The following RBFOX3 variants were observed in gnomAD, a reference collection of about 807,000 sequenced individuals.
RBFOX3 encodes the protein RNA binding protein fox-1 homolog 3.
A neutral mutation model predicts 48.7 loss-of-function variants in RBFOX3; 17 were observed. That is an observed-to-expected ratio of 0.35 (90% CI 0.24 to 0.52). RBFOX3 has a LOEUF of 0.52. Ranked by LOEUF, RBFOX3 falls within the 20% of genes least tolerant of loss-of-function variation. The probability of loss-of-function intolerance (pLI) is 0.94; values close to 1 mark genes in which losing one functional copy is unlikely to be tolerated. For synonymous variants in RBFOX3, 212 were observed against 209.5 expected (o/e 1.01, Z -0.10); for missense variants, 382 against 497.5 (o/e 0.77, Z 2.21).
At position 79,423,397 on chromosome 17, in the gene RBFOX3, G is replaced by A. The variant is rs537637338; in HGVS notation, c.-175+59057C>T. Reference sequence around the variant, plus strand: ...CCCAACCCTACCTCCAGTGTGGTCCGGCGCCACCACCTCTGCCGGACGTTT... The same window carrying A: ...CCCAACCCTACCTCCAGTGTGGTCCAGCGCCACCACCTCTGCCGGACGTTT... On this transcript the variant is annotated intron_variant, in intron 2 of 14. Transcript: ENST00000693108. This position sits in a 1 kb window ranked among gnomAD's most constrained non-coding sequence, Gnocchi z 4.9. Among the ~76,000 whole-genome samples the A allele has an allele frequency of 1.1e-4, 17 of 152,196 alleles. No individual in the cohort carries two copies. Among genetic ancestry groups the A allele is most frequent in the South Asian group, 2.1e-4 (1 of 4,824 alleles).
At chr17:79,538,267 G>A (rs1453006056) in intron 1 of RBFOX3, among the ~76,000 whole-genome samples, 1 of 152,210 alleles carries the variant, frequency 6.6e-6, no homozygotes, top group Non-Finnish European at 1.5e-5. Context: ...ATCTGTGTGT[G>A]CCTGGCACAC....
At chr17:79,524,505 A>G (rs1396447399) in intron 1 of RBFOX3, among the ~76,000 whole-genome samples, 3 of 152,208 alleles carry the variant, frequency 2.0e-5, no homozygotes, top group Non-Finnish European at 4.4e-5. Context: ...TCACTGCCAG[A>G]TGACTACCTT....
rs1305070354 is a variant in RBFOX3, at chr17:79,220,620, G to A, written c.-34+15146C>T. Among the ~76,000 whole-genome samples the A allele has an allele frequency of 6.6e-6, 1 of 151,586 alleles. No homozygotes were observed. Among genetic ancestry groups the A allele is most frequent in the Non-Finnish European group, 1.5e-5 (1 of 68,006 alleles). On this transcript the variant is annotated intron_variant, in intron 4 of 14. Coordinates refer to ENST00000693108, the MANE Select transcript of RBFOX3 (RefSeq NM_001350451.2). This position sits in a 1 kb window ranked among gnomAD's most constrained non-coding sequence, Gnocchi z 5.9. ...GAGGGTGTGTGTGTGTGTGTGTCGG[G>A]GGGACACAAAACCTTCCAGCCTAGC...
chr17:79,308,227 G>A (rs2076349963), intron 2 of RBFOX3, among the ~76,000 whole-genome samples: 1 of 152,130 alleles, frequency 6.6e-6, no homozygotes, highest in African/African-American at 2.4e-5. Flanking sequence ...CCTCCTTGGG[G>A]ATGAATCCTC....
chr17:79,375,747 T>C (rs1008641663), intron 2 of RBFOX3, among the ~76,000 whole-genome samples: 1 of 152,170 alleles, frequency 6.6e-6, no homozygotes, highest in African/African-American at 2.4e-5. Flanking sequence ...AAACCCCTCC[T>C]TTGAAAGGGG....
Position 79,172,520 on chromosome 17 carries a change from TC to T in RBFOX3, c.-33-56773del, listed in dbSNP as rs760330952. ...TCCCCATGTTCTAGAGCAGCGTGAC[TC>T]CCTGGGCCTCCATCTGATGGCGATT... On this transcript the variant is annotated intron_variant, in intron 4 of 14. Transcript: ENST00000693108. 2.6e-5 allele frequency among the ~76,000 whole-genome samples: 4 copies of T among 152,272 alleles called. No homozygotes were observed. In the East Asian group the frequency reaches 7.7e-4, roughly 29 times the overall value.
At chr17:79,330,073 C>G (rs1338857574) in intron 2 of RBFOX3, among the ~76,000 whole-genome samples, 7 of 152,214 alleles carry the variant, frequency 4.6e-5, no homozygotes, top group Non-Finnish European at 1.0e-4. Context: ...GAAAAACTGA[C>G]CATCACATGA....
chr17:79,613,037 C>T (rs2093980754), upstream of RBFOX3, among the ~76,000 whole-genome samples: 1 of 152,266 alleles, frequency 6.6e-6, no homozygotes, highest in South Asian at 2.1e-4. Context: ...TTCAGCTCCC[C>T]ATGCGAGTTC....
chr17:79,493,296 C>T (rs2080967413), intron 1 of RBFOX3, among the ~76,000 whole-genome samples: 3 of 152,162 alleles, frequency 2.0e-5, no homozygotes, highest in Admixed American at 2.0e-4. Context: ...TCACCTCCCA[C>T]CAGGCCCCAC....
the RBFOX3 span, among the ~76,000 whole-genome samples, chr17:79,631,586 C>T: frequency 6.6e-6 from 1 of 152,200 alleles, no homozygotes; most frequent in Non-Finnish European, 1.5e-5. Flanking sequence ...CACCACCTTC[C>T]CCACCATTTC....
At chr17:79,129,093 G>A (rs1158878431) in intron 4 of RBFOX3, among the ~76,000 whole-genome samples, 1 of 152,172 alleles carries the variant, frequency 6.6e-6, no homozygotes, top group Non-Finnish European at 1.5e-5. Context: ...ACCCGGTTCA[G>A]GCACATGGCA....
rs1358990949 is a variant in RBFOX3 at position 79,331,908 on chromosome 17, G to A, written c.-174-24084C>T. Among the ~76,000 whole-genome samples the A allele has an allele frequency of 5.3e-5, 8 of 152,182 alleles. No individual in the cohort carries two copies. In the East Asian group the frequency reaches 7.7e-4, roughly 15 times the overall value. ...CACCCAGTGTGAAGCCCTCCTGTGC[G>A]GCTCACAGGGCCAGCCTGGTCCTCT... On this transcript the variant is annotated intron_variant, in intron 2 of 14. Coordinates refer to ENST00000693108, the MANE Select transcript of RBFOX3 (RefSeq NM_001350451.2).
intron 4 of RBFOX3, among the ~76,000 whole-genome samples, chr17:79,209,771 A>T (rs1044179462): frequency 6.6e-6 from 1 of 152,114 alleles, no homozygotes; most frequent in Non-Finnish European, 1.5e-5. Context: ...AGGCGGGTGG[A>T]TCACGAGGTC....
intron 3 of RBFOX3, among the ~76,000 whole-genome samples, chr17:79,250,234 C>T (rs2063737859): frequency 6.6e-6 from 1 of 152,176 alleles, no homozygotes; most frequent in Non-Finnish European, 1.5e-5. Flanking sequence ...CACCCATGTC[C>T]CGGTGAACGT....
At chr17:79,636,776 A>G in the RBFOX3 span, among the ~76,000 whole-genome samples, 1 of 152,184 alleles carries the variant, frequency 6.6e-6, no homozygotes, top group African/African-American at 2.4e-5. Flanking sequence ...CAATCAGAAA[A>G]CAAATTAATA....
At chr17:79,159,686 C>T (rs2046547412) in intron 4 of RBFOX3, among the ~76,000 whole-genome samples, 2 of 152,208 alleles carry the variant, frequency 1.3e-5, no homozygotes, top group Admixed American at 1.3e-4. Flanking sequence ...TGCATGCCCG[C>T]AGCTGGGGGA....
At chr17:79,285,269 C>T (rs2071599583) in intron 3 of RBFOX3, among the ~76,000 whole-genome samples, 1 of 152,220 alleles carries the variant, frequency 6.6e-6, no homozygotes, top group Non-Finnish European at 1.5e-5. Flanking sequence ...GGTGGATAGA[C>T]AAGCTGCAGT....
chr17:79,149,823 C>G (rs2043923813), intron 4 of RBFOX3, among the ~76,000 whole-genome samples: 1 of 151,246 alleles, frequency 6.6e-6, no homozygotes, highest in African/African-American at 2.4e-5. Context: ...CTGAGCATCT[C>G]TGAGTGCCAG....
intron 4 of RBFOX3, among the ~76,000 whole-genome samples, chr17:79,117,180 G>C (rs1403227542): frequency 1.3e-5 from 2 of 152,258 alleles, no homozygotes; most frequent in Non-Finnish European, 2.9e-5. Context: ...CCCCCCAGGA[G>C]TCTGCGGTGA....
Sources: allele counts gnomAD v4.1 joint callset (sites outside exome capture counted in the v4.1 genomes callset), GRCh38; gene constraint gnomAD v4.1.1; non-coding constraint Gnocchi (gnomAD v3.1); transcripts MANE v1.5; gene names NCBI Gene and HGNC (gene_info 2026-07-23, HGNC 2026-07-21).